TOP1MT: variants seen among roughly 807,000 people sequenced by gnomAD.
TOP1MT encodes DNA topoisomerase I, mitochondrial.
TOP1MT carries 80 observed loss-of-function variants against 73.9 expected under a neutral mutation model. The ratio of observed to expected loss-of-function variants is 1.08; its 90% CI spans 0.90 to 1.30. TOP1MT has a LOEUF of 1.30. Ranked by LOEUF, TOP1MT falls within the 50% of genes most tolerant of loss-of-function variation. The pLI is 0.00. For missense variants in TOP1MT, 815 were observed against 808.0 expected (o/e 1.01, Z -0.10); for synonymous variants, 338 against 326.4 (o/e 1.04, Z -0.38).
chr8:143,325,556 G>A (rs189443826), intron 4 of TOP1MT, 23 bp from the exon 5 acceptor site: 3 of 1,597,670 alleles, frequency 1.9e-6, no homozygotes, highest in Non-Finnish European at 2.6e-6. Context: ...AACAGTCAGT[G>A]GACATTAGCA....
chr8:143,357,060 C>T (rs538239457), upstream of TOP1MT, among the ~76,000 whole-genome samples: 278 of 146,932 alleles, frequency 1.9e-3, 1 homozygote, highest in Admixed American at 3.7e-3. Context: ...TGCCACTGCA[C>T]TCCAGCCTGG....
rs781724745 is a variant in TOP1MT at position 143,318,006 on chromosome 8, G to A, written c.1215+12C>T. On this transcript the variant is annotated intron_variant, in intron 9 of 13. Transcript: ENST00000329245. Reference sequence around the variant, plus strand: ...CCGCCGCCCACTGCTGAGGAAACACGAGCCGGCTTACGGTCAGCCTGTCGA... The same window carrying A: ...CCGCCGCCCACTGCTGAGGAAACACAAGCCGGCTTACGGTCAGCCTGTCGA... 15 of 1,613,992 alleles carry A rather than the reference G, an allele frequency of 9.3e-6. No individual in the cohort carries two copies. The highest frequency in any genetic ancestry group is 2.7e-5 in the African/African-American group (2 of 74,914).
chr8:143,341,024 C>T lies in TOP1MT; in HGVS notation c.29+2196G>A, dbSNP rs893933694. Among the ~76,000 whole-genome samples the T allele has an allele frequency of 6.6e-6, 1 of 152,126 alleles. No homozygotes were observed. Among genetic ancestry groups the T allele is most frequent in the Admixed American group, 6.5e-5 (1 of 15,278 alleles). On this transcript the variant is annotated intron_variant, in intron 2 of 5. Coordinates refer to the TOP1MT transcript ENST00000518007. The surrounding 1 kb of genome is among the most constrained non-coding windows in gnomAD (Gnocchi z 4.1). Reference sequence around the variant, plus strand: ...CTTCGCACCTCTTCTGTGGGAACTGCTCTGTCTATCCCACTGCCCAGAGCG... The same window carrying T: ...CTTCGCACCTCTTCTGTGGGAACTGTTCTGTCTATCCCACTGCCCAGAGCG...
intron 1 of TOP1MT, chr8:143,333,888 C>T (rs150931907): frequency 0.011 from 1,640 of 152,618 alleles, 9 homozygotes; most frequent in Non-Finnish European, 0.015. Flanking sequence ...CCTCCCAAGA[C>T]ACCCTGCCCC....
chr8:143,337,192 C>T (rs970402704), upstream of TOP1MT, among the ~76,000 whole-genome samples: 47 of 152,152 alleles, frequency 3.1e-4, no homozygotes, highest in East Asian at 1.4e-3. Context: ...TTTGGGAGGC[C>T]GAGACGGGCG....
chr8:143,320,952 G>A (rs1330824647), intron 8 of TOP1MT, among the ~76,000 whole-genome samples: 2 of 152,176 alleles, frequency 1.3e-5, no homozygotes, highest in Non-Finnish European at 1.5e-5. Flanking sequence ...CGGGGGGCAG[G>A]AGACGAAGCT....
chr8:143,325,375 C>A lies in TOP1MT; in HGVS notation c.642G>T (p.Thr214=), dbSNP rs368980736. Residue 214 remains threonine, a synonymous_variant, in exon 5 of 14, where the codon ACG becomes ACT. Transcript: ENST00000329245. ...PKMGMLKRRI[T]PEDVVINCSR... ...TGCAGTTGATAACCACATCCTCTGGCGTGATCCTTCTCTTCAGCATCCCCA... is the reference window on the plus strand; with the variant it reads ...TGCAGTTGATAACCACATCCTCTGGAGTGATCCTTCTCTTCAGCATCCCCA... 5.0e-6 allele frequency: 8 copies of A among 1,605,704 alleles called. No homozygotes were observed. Among genetic ancestry groups the A allele is most frequent in the Non-Finnish European group, 6.8e-6 (8 of 1,173,636 alleles).
At chr8:143,329,227 T>C (rs984325931) in intron 3 of TOP1MT, 123 bp downstream of exon 3, 19 of 1,113,834 alleles carry the variant, frequency 1.7e-5, no homozygotes, top group Non-Finnish European at 8.8e-6. Context: ...TGACGGCACC[T>C]GTGAGTGGTC....
At chr8:143,331,375 C>A in intron 1 of TOP1MT, 36 bp from the exon 2 acceptor site, 2 of 1,566,600 alleles carry the variant, frequency 1.3e-6, no homozygotes, top group Non-Finnish European at 1.7e-6. Flanking sequence ...CTCTCCTGGG[C>A]CAGGCCCTGC....
upstream of TOP1MT, among the ~76,000 whole-genome samples, chr8:143,357,348 G>A (rs1817428799): frequency 1.3e-5 from 2 of 151,182 alleles, no homozygotes; most frequent in Admixed American, 6.6e-5. Flanking sequence ...AGAGGTTGAG[G>A]CTGCAGTTAG....
intron 2 of TOP1MT, among the ~76,000 whole-genome samples, chr8:143,342,285 G>C (rs866894963): frequency 7.3e-6 from 1 of 136,602 alleles, no homozygotes; most frequent in African/African-American, 3.3e-5. Context: ...ATTAGAGACA[G>C]AGTCTCGCTG....
chr8:143,316,278 A>G, intron 10 of TOP1MT, 152 bp from the exon 11 acceptor site: 2 of 1,272,614 alleles, frequency 1.6e-6, no homozygotes, highest in South Asian at 1.3e-5. Flanking sequence ...AGGGTCAGTG[A>G]CCCTCCAAGG....
intron 2 of TOP1MT, among the ~76,000 whole-genome samples, chr8:143,340,708 C>G (rs1243590481): frequency 6.6e-6 from 1 of 152,230 alleles, no homozygotes. Flanking sequence ...CCTCCAGGTC[C>G]TGAGCTTTTC....
intron 2 of TOP1MT, among the ~76,000 whole-genome samples, chr8:143,330,720 G>C (rs1036048985): frequency 3.3e-5 from 5 of 152,188 alleles, no homozygotes; most frequent in Non-Finnish European, 5.9e-5. Flanking sequence ...CCCTGGGGTA[G>C]AGAGGAGGGC....
rs146894827 is a variant in TOP1MT, at chr8:143,329,419, C to T, written c.291G>A (p.Gly97=). The stretch of plus-strand genomic sequence containing the variant: ...TTGTGTATTCATGATCTAACATCCT[C>T]CCATAAAAAGTGGCGACCTCCTCCG... ...VAAEEVATFY[G]RMLDHEYTTK... Residue 97 remains glycine (G), a synonymous_variant, in exon 3 of 14, where the codon GGG becomes GGA. Transcript: ENST00000329245. 1.9e-6 allele frequency: 3 copies of T among 1,610,436 alleles called. No individual in the cohort carries two copies. The highest frequency in any genetic ancestry group is 2.5e-6 in the Non-Finnish European group (3 of 1,179,080).
At chr8:143,340,967 A>G (rs555013049) in intron 2 of TOP1MT, among the ~76,000 whole-genome samples, 227 of 152,046 alleles carry the variant, frequency 1.5e-3, no homozygotes, top group African/African-American at 5.3e-3. Context: ...GGTGGGCACC[A>G]TGCCCTCACT....
At chr8:143,349,253 G>C (rs771115466), upstream of TOP1MT, among the ~76,000 whole-genome samples, 1 of 151,906 alleles carries the variant, frequency 6.6e-6, no homozygotes, top group Non-Finnish European at 1.5e-5. Context: ...AATCAGAGTC[G>C]AGGGACCCAG....
chr8:143,335,290 C>G (rs1816963116), upstream of TOP1MT, among the ~76,000 whole-genome samples: 1 of 152,186 alleles, frequency 6.6e-6, no homozygotes, highest in Non-Finnish European at 1.5e-5. Context: ...GAGAAGGGAC[C>G]ACACAGGCTC....
rs1563770913 is a variant in TOP1MT, at chr8:143,341,657, C to CA, written c.29+1562dup. 6.6e-6 allele frequency among the ~76,000 whole-genome samples: 1 copy of CA among 152,196 alleles called. No individual in the cohort carries two copies. Among genetic ancestry groups the CA allele is most frequent in the East Asian group, 1.9e-4 (1 of 5,198 alleles). On this transcript the variant is annotated intron_variant, in intron 2 of 5. Transcript: ENST00000518007. The surrounding 1 kb of genome is among the most constrained non-coding windows in gnomAD (Gnocchi z 4.1). ...AGGAGCAGAAACCAAGGGCAATGAA[C>CA]AAAGGAGCCAGGGGTCAGCTTGGGG...
Sources: gnomAD v4.1 joint callset for allele counts (sites outside exome capture counted in the v4.1 genomes callset) on GRCh38, gnomAD v4.1.1 for gene constraint, Gnocchi (gnomAD v3.1) non-coding constraint, MANE v1.5 for transcripts, NCBI Gene and HGNC (gene_info 2026-07-23, HGNC 2026-07-21) for gene names.